Variants in MACF1 observed in about 807,000 individuals in gnomAD.
The protein encoded by MACF1 is microtubule-actin cross-linking factor 1.
A neutral mutation model predicts 854.8 loss-of-function variants in MACF1; 193 were observed. The ratio of observed to expected loss-of-function variants is 0.23; its 90% confidence interval spans 0.20 to 0.25. The LOEUF (loss-of-function observed/expected upper bound fraction) is 0.25. Among genes scored for constraint, MACF1 ranks in the 10% least tolerant of loss-of-function variants. The probability of loss-of-function intolerance (pLI) is 1.00; values close to 1 mark genes in which losing one functional copy is unlikely to be tolerated. For synonymous variants in MACF1, 3,185 were observed against 3,226.7 expected, an observed-to-expected ratio of 0.99 and a Z score of 0.44; for missense variants, 7,722 against 8,929.1, an observed-to-expected ratio of 0.86 and a Z score of 5.45.
chr1:39,463,421 G>A (rs556536497), intron 93 of MACF1, among the ~76,000 whole-genome samples, 191 bp from the exon 94 acceptor site: 8 of 152,054 alleles, frequency 5.3e-5, no homozygotes, highest in South Asian at 2.1e-4. Context: ...ACCAGGAGGC[G>A]GAGGTTGTGG....
At chr1:39,479,266 C>G (rs1370999600) in intron 97 of MACF1, among the ~76,000 whole-genome samples, 2 of 152,186 alleles carry the variant, frequency 1.3e-5, no homozygotes, top group African/African-American at 2.4e-5. Flanking sequence ...CTTAATGATT[C>G]TCTCCTGATC....
chr1:39,322,718 G>T lies in MACF1; in HGVS notation c.4137+3G>T. The T allele has an allele frequency of 6.2e-7, 1 of 1,613,524 alleles. No individual in the cohort carries two copies. Among genetic ancestry groups the T allele is most frequent in the Non-Finnish European group, 8.5e-7 (1 of 1,179,470 alleles). The stretch of plus-strand genomic sequence containing the variant: ...CTTCAGATGCCATCACTCAAGAGGT[G>T]AGAGGGTGGGGGAAGGAAATACACC... On this transcript the variant is annotated splice_donor_region_variant and intron_variant, in intron 32 of 100. Transcript: ENST00000564288.
At chr1:39,258,170 T>G in intron 6 of MACF1, 142 bp downstream of exon 6, 1 of 730,086 alleles carries the variant, frequency 1.4e-6, no homozygotes. Flanking sequence ...GAAAGGAAAA[T>G]TAAGATTGAT....
intron 2 of MACF1, among the ~76,000 whole-genome samples, chr1:39,182,970 T>A (rs1049442847): frequency 6.6e-6 from 1 of 152,232 alleles, no homozygotes; most frequent in Non-Finnish European, 1.5e-5. Flanking sequence ...TATCAACTGA[T>A]GAATGGATAA....
chr1:39,330,983 A>G (rs560386960), intron 36 of MACF1, among the ~76,000 whole-genome samples: 1 of 151,996 alleles, frequency 6.6e-6, no homozygotes, highest in African/African-American at 2.4e-5. Flanking sequence ...TATTTTTAGT[A>G]GAGACGGGTT....
chr1:39,161,118 G>T (rs1002870117), intron 2 of MACF1, among the ~76,000 whole-genome samples: 1 of 152,108 alleles, frequency 6.6e-6, no homozygotes, highest in Non-Finnish European at 1.5e-5. Context: ...TCCACTGCTC[G>T]TGCTTTTTCT....
At chr1:39,329,242 G>A (rs1646672779) in intron 36 of MACF1, among the ~76,000 whole-genome samples, 1 of 152,140 alleles carries the variant, frequency 6.6e-6, no homozygotes, top group Non-Finnish European at 1.5e-5. Flanking sequence ...TTATTCCATT[G>A]ATTGAACACA....
At chr1:39,381,862 C>A in intron 55 of MACF1, 91 bp from the exon 56 acceptor site, 1 of 876,410 alleles carries the variant, frequency 1.1e-6, no homozygotes. Flanking sequence ...CTTCTGGGGT[C>A]ATTTCCTGCA....
chr1:39,238,772 C>T (rs1016886185), intron 2 of MACF1, among the ~76,000 whole-genome samples: 5 of 152,214 alleles, frequency 3.3e-5, no homozygotes, highest in African/African-American at 1.2e-4. Context: ...CCCAGGCCCC[C>T]AGCCTTACAG....
intron 7 of MACF1, 41 bp downstream of exon 7, chr1:39,282,415 C>T (rs1306522742): frequency 6.3e-7 from 1 of 1,578,558 alleles, no homozygotes; most frequent in South Asian, 1.2e-5. Context: ...AGGGCTTTTT[C>T]TCATCTCTTG....
At position 39,485,629 on chromosome 1, in the gene MACF1, C is replaced by A; in HGVS notation, c.22503C>A (p.Asp7501Glu). ...GCCGGCGAGGAAGTGACGCTTCTGA[C>A]TTTGACCTCTTAGAGACGCAGTCTG... ...ASSRRGSDAS[D>E]FDLLETQSAC... Residue 7501 changes from aspartate to glutamate, a missense_variant, in exon 101 of 101, where the codon GAC (aspartate) becomes GAA (glutamate). Physicochemically the swap from Asp to Glu is conservative, Grantham distance 45. Around this residue, in one of 15 missense-constraint regions of MACF1, gnomAD observed 185 missense variants for 225.7 expected, o/e 0.82. Coordinates refer to ENST00000564288, the MANE Select transcript of MACF1 (RefSeq NM_001394062.1). 1 of 1,614,204 alleles carries A rather than the reference C, an allele frequency of 6.2e-7. No homozygotes were observed. The highest frequency in any genetic ancestry group is 2.2e-5 in the East Asian group (1 of 44,882).
rs749040416 is a variant in MACF1, at chr1:39,285,658, A to C, written c.1408A>C (p.Met470Leu). ...QPVQCESDVIMYIQECEGLIR... is the reference protein window; with the variant it reads ...QPVQCESDVILYIQECEGLIR... ...GGTACAATGTGAGTCAGATGTCATT[A>C]TGTACATTCAGGAGTGTGAAGGTCT... The change falls in exon 14 of 101, where the codon ATG becomes CTG. Residue 470 changes from methionine to leucine, a missense_variant. By Grantham distance (15) the Met-to-Leu change is conservative. This residue lies in a region of MACF1 where 1,137 missense variants were observed against 1,263.0 expected (regional missense o/e 0.90). Coordinates refer to ENST00000564288, the MANE Select transcript of MACF1 (RefSeq NM_001394062.1). 3 of 1,614,000 alleles carry C rather than the reference A, an allele frequency of 1.9e-6. No homozygotes were observed. Among genetic ancestry groups the C allele is most frequent in the Non-Finnish European group, 2.5e-6 (3 of 1,179,940 alleles).
At chr1:39,431,451 C>T (rs977596045) in intron 66 of MACF1, among the ~76,000 whole-genome samples, 3 of 151,988 alleles carry the variant, frequency 2.0e-5, no homozygotes, top group African/African-American at 7.3e-5. Flanking sequence ...CTTAATGTGC[C>T]GTAGTACAAA....
chr1:39,270,834 A>G (rs1193770583), intron 6 of MACF1, among the ~76,000 whole-genome samples: 1 of 152,150 alleles, frequency 6.6e-6, no homozygotes, highest in Non-Finnish European at 1.5e-5. Flanking sequence ...CTAGCAGCAT[A>G]AGGCTGAGGA....
chr1:39,114,209 A>G (rs2148148207), intron 2 of MACF1, among the ~76,000 whole-genome samples: 1 of 147,904 alleles, frequency 6.8e-6, no homozygotes, highest in African/African-American at 2.5e-5. Flanking sequence ...ACAATTTTCC[A>G]CATTAATATG....
chr1:39,453,614 G>T, intron 87 of MACF1, 93 bp from the exon 88 acceptor site: 5 of 1,136,378 alleles, frequency 4.4e-6, no homozygotes, highest in Non-Finnish European at 5.2e-6. Flanking sequence ...GGAGGAAAAA[G>T]AAAACATTGA....
chr1:39,322,509 C>A, intron 31 of MACF1, 99 bp from the exon 32 acceptor site: 1 of 1,027,564 alleles, frequency 9.7e-7, no homozygotes, highest in South Asian at 1.4e-5. Flanking sequence ...CATGAGTGGT[C>A]ACCAAAACGC....
intron 2 of MACF1, among the ~76,000 whole-genome samples, chr1:39,124,288 T>C (rs1642806204): frequency 6.6e-6 from 1 of 152,172 alleles, no homozygotes; most frequent in Non-Finnish European, 1.5e-5. Context: ...TGGACAGACC[T>C]GGGATTGAAA....
intron 53 of MACF1, among the ~76,000 whole-genome samples, chr1:39,378,944 T>G (rs1303974109): frequency 2.0e-5 from 3 of 152,242 alleles, no homozygotes; most frequent in African/African-American, 7.2e-5. Flanking sequence ...TTTCTTACTT[T>G]GCTCCCTTCA....
Sources: gnomAD v4.1 joint callset for allele counts (sites outside exome capture counted in the v4.1 genomes callset) on GRCh38, gnomAD v4.1.1 for gene constraint, gnomAD v4.1.1 regional missense constraint, MANE v1.5 for transcripts, NCBI Gene and HGNC (gene_info 2026-07-23, HGNC 2026-07-21) for gene names.